SAMD4A: variants seen among roughly 807,000 people sequenced by gnomAD.
The protein encoded by SAMD4A is sterile alpha motif domain containing 4A, also known as protein Smaug homolog 1.
Under a neutral mutation model 81.3 loss-of-function variants are expected in SAMD4A, and 33 were observed. That is an observed-to-expected ratio of 0.41 (90% CI 0.31 to 0.54). The LOEUF is 0.54. Among genes scored for constraint, SAMD4A ranks in the 20% least tolerant of loss-of-function variants. SAMD4A has a pLI of 0.37. For synonymous variants in SAMD4A, 389 were observed against 382.1 expected (o/e 1.02, Z -0.21); for missense variants, 854 against 951.1 (o/e 0.90, Z 1.34).
intron 2 of SAMD4A, among the ~76,000 whole-genome samples, chr14:54,684,683 G>T (rs1175287037): frequency 1.6e-5 from 2 of 126,528 alleles, no homozygotes; most frequent in South Asian, 5.1e-4. Flanking sequence ...TCCCCCAGAT[G>T]CTGTTGTTAG....
intron 10 of SAMD4A, among the ~76,000 whole-genome samples, chr14:54,775,946 GTGCCAGCTCAT>G (rs1257775797): frequency 6.8e-6 from 1 of 147,608 alleles, no homozygotes; most frequent in African/African-American, 2.5e-5. Flanking sequence ...AGGCTGAGTT[GTGCCAGCTCAT>G]TGCCAGCTGA....
rs117142696 is a variant in SAMD4A at position 54,589,828 on chromosome 14, A to G, written c.196+21716A>G. On this transcript the variant is annotated intron_variant, in intron 2 of 12. Coordinates refer to ENST00000554335, the MANE Select transcript of SAMD4A (RefSeq NM_015589.6). ...GAGTTCCCTCTGATCGACTGCCTCA[A>G]TGTCTGCATGGTTTACTTCACATCC... 2.1e-3 allele frequency among the ~76,000 whole-genome samples: 318 copies of G among 152,240 alleles called. 1 individual carries two copies. The highest frequency in any genetic ancestry group is 3.6e-3 in the Non-Finnish European group (244 of 67,994).
At chr14:54,767,759 C>A (rs553789324) in intron 8 of SAMD4A, among the ~76,000 whole-genome samples, 1 of 152,318 alleles carries the variant, frequency 6.6e-6, no homozygotes, top group East Asian at 1.9e-4. Context: ...TTTTGGGCAT[C>A]ATAGCCAATG....
At chr14:54,571,315 C>G (rs1277688464) in intron 2 of SAMD4A, among the ~76,000 whole-genome samples, 1 of 152,172 alleles carries the variant, frequency 6.6e-6, no homozygotes, top group Non-Finnish European at 1.5e-5. Flanking sequence ...GATCAGTTCT[C>G]TAGTACAGTC....
chr14:54,733,703 G>A (rs1594873098), intron 3 of SAMD4A, among the ~76,000 whole-genome samples: 3 of 152,134 alleles, frequency 2.0e-5, no homozygotes, highest in Admixed American at 1.3e-4. Flanking sequence ...GCCATTGTCT[G>A]CTGCACATCA....
intron 2 of SAMD4A, among the ~76,000 whole-genome samples, chr14:54,661,291 A>C (rs2035637374): frequency 6.6e-6 from 1 of 152,230 alleles, no homozygotes. Context: ...CAGAACAAAA[A>C]TTCTTTTTCA....
In SAMD4A at chr14:54,747,903, T is replaced by C. The variant is rs527927832; in HGVS notation, c.980-912T>C. On this transcript the variant is annotated intron_variant, in intron 4 of 12. Transcript: ENST00000554335. ...CTCACAAACTCTGACTGAAAGAATA[T>C]GGGCAAATACTTTGTTTTGGTTTTA... 3.9e-5 allele frequency among the ~76,000 whole-genome samples: 6 copies of C among 152,348 alleles called. No homozygotes were observed. In the East Asian group the frequency reaches 1.2e-3, roughly 29 times the overall value.
chr14:54,593,733 A>G (rs1329045953), intron 2 of SAMD4A, among the ~76,000 whole-genome samples: 5 of 152,180 alleles, frequency 3.3e-5, no homozygotes, highest in African/African-American at 1.2e-4. Flanking sequence ...CCTCAAGCTG[A>G]TTTAAATGTA....
intron 2 of SAMD4A, among the ~76,000 whole-genome samples, chr14:54,692,387 T>C (rs1376158239): frequency 6.6e-6 from 1 of 152,234 alleles, no homozygotes; most frequent in African/African-American, 2.4e-5. Context: ...TACTCCTCTG[T>C]TGACTGTCTG....
chr14:54,740,085 A>C (rs917710282), intron 4 of SAMD4A, among the ~76,000 whole-genome samples: 3 of 152,190 alleles, frequency 2.0e-5, no homozygotes, highest in Non-Finnish European at 4.4e-5. Flanking sequence ...CTGGAGAATC[A>C]CTTGAACCCA....
At chr14:54,621,681 A>G (rs865871315) in intron 2 of SAMD4A, among the ~76,000 whole-genome samples, 10 of 152,264 alleles carry the variant, frequency 6.6e-5, no homozygotes, top group South Asian at 2.1e-4. Context: ...TTTTTGATGT[A>G]CATAAGCATT....
At chr14:54,713,339 C>G (rs2037038666) in intron 3 of SAMD4A, among the ~76,000 whole-genome samples, 1 of 152,098 alleles carries the variant, frequency 6.6e-6, no homozygotes, top group South Asian at 2.1e-4. Context: ...ATCTCCCATC[C>G]CCACCCCAGC....
intron 4 of SAMD4A, among the ~76,000 whole-genome samples, chr14:54,743,501 C>T (rs2037893662): frequency 6.6e-6 from 1 of 152,224 alleles, no homozygotes; most frequent in Admixed American, 6.5e-5. Context: ...TCCTCTGAAG[C>T]TTTAAGGACT....
intron 2 of SAMD4A, among the ~76,000 whole-genome samples, chr14:54,687,036 TA>T (rs11339460): frequency 0.34 from 51,378 of 152,012 alleles, 10,099 homozygotes; most frequent in Non-Finnish European, 0.44. Context: ...GACCCTGTGA[TA>T]GGGGTTATAC....
chr14:54,611,174 A>G (rs2034344048), intron 2 of SAMD4A, among the ~76,000 whole-genome samples: 2 of 152,250 alleles, frequency 1.3e-5, no homozygotes, highest in Admixed American at 1.3e-4. Flanking sequence ...AAAAATTCAA[A>G]GATTAGTTAA....
chr14:54,724,033 G>GAAGGAAGGAAGGAAGGA (rs1242758560), intron 3 of SAMD4A, among the ~76,000 whole-genome samples: 1 of 151,192 alleles, frequency 6.6e-6, no homozygotes, highest in Non-Finnish European at 1.5e-5. Flanking sequence ...AGGAAGGAAG[G>GAAGGAAGGAAGGAAGGA]AAGGAAGGAA....
intron 2 of SAMD4A, among the ~76,000 whole-genome samples, chr14:54,623,625 T>TGGGGACAGC: frequency 6.6e-6 from 1 of 151,308 alleles, no homozygotes; most frequent in South Asian, 2.1e-4. Flanking sequence ...AGGGATCAGT[T>TGGGGACAGC]GGGGAGGGTG....
intron 3 of SAMD4A, among the ~76,000 whole-genome samples, chr14:54,721,787 G>T (rs2037268929): frequency 6.6e-6 from 1 of 152,146 alleles, no homozygotes; most frequent in African/African-American, 2.4e-5. Context: ...AATGATCCCT[G>T]AAGTTTTTTT....
chr14:54,761,124 G>A (rs1339062766), intron 7 of SAMD4A, among the ~76,000 whole-genome samples: 1 of 152,214 alleles, frequency 6.6e-6, no homozygotes, highest in Non-Finnish European at 1.5e-5. Flanking sequence ...AGTACGAATA[G>A]CTTGTGCTTA....
Sources: gnomAD v4.1 joint callset for allele counts (sites outside exome capture counted in the v4.1 genomes callset) on GRCh38, gnomAD v4.1.1 for gene constraint, MANE v1.5 for transcripts, NCBI Gene and HGNC (gene_info 2026-07-23, HGNC 2026-07-21) for gene names.